The following CACHD1 variants were observed in gnomAD, a reference collection of about 807,000 sequenced individuals.
CACHD1 encodes the protein VWFA and cache domain-containing protein 1.
A neutral mutation model predicts 138.7 loss-of-function variants in CACHD1; 71 were observed. The observed-to-expected ratio is 0.51, with a 90% CI of 0.42 to 0.62. CACHD1 has a LOEUF of 0.62. Among genes scored for constraint, CACHD1 ranks in the 20% least tolerant of loss-of-function variants. The pLI is 0.00. For missense variants in CACHD1, 1,389 were observed against 1,625.3 expected (o/e 0.85, Z 2.50); for synonymous variants, 578 against 591.5 (o/e 0.98, Z 0.33).
intron 12 of CACHD1, among the ~76,000 whole-genome samples, chr1:64,657,720 T>A (rs1248193982): frequency 2.0e-5 from 3 of 152,212 alleles, no homozygotes; most frequent in Non-Finnish European, 2.9e-5. Flanking sequence ...CCTGCCTAGT[T>A]AAAATTTTAT....
chr1:64,628,824 C>T (rs1441505162), intron 4 of CACHD1, among the ~76,000 whole-genome samples: 1 of 152,190 alleles, frequency 6.6e-6, no homozygotes, highest in Non-Finnish European at 1.5e-5. Context: ...CCAGCACTGG[C>T]ACAGAGGAAT....
At chr1:64,478,996 A>G (rs1807791) in intron 1 of CACHD1, among the ~76,000 whole-genome samples, 12,442 of 152,142 alleles carry the variant, frequency 0.082, 587 homozygotes, top group East Asian at 0.16. Flanking sequence ...AAAAAGAAAA[A>G]CACACTATGT....
chr1:64,494,599 T>C (rs1045898552), intron 1 of CACHD1, among the ~76,000 whole-genome samples: 1 of 152,228 alleles, frequency 6.6e-6, no homozygotes, highest in African/African-American at 2.4e-5. Flanking sequence ...TAGCTGCTTT[T>C]ATTTGCTACC....
At chr1:64,688,111 G>C (rs1332527194) in intron 26 of CACHD1, among the ~76,000 whole-genome samples, 20 of 151,760 alleles carry the variant, frequency 1.3e-4, no homozygotes, top group Admixed American at 1.3e-3. Context: ...GTGGGAGGGT[G>C]AGCCAAGCAG....
chr1:64,677,206 T>A (rs1473477730), intron 22 of CACHD1, among the ~76,000 whole-genome samples, 195 bp downstream of exon 22: 3 of 152,132 alleles, frequency 2.0e-5, no homozygotes, highest in African/African-American at 7.2e-5. Context: ...AGTAGCCTCA[T>A]CTGTGAATGG....
intron 1 of CACHD1, among the ~76,000 whole-genome samples, chr1:64,471,561 A>T: frequency 6.6e-6 from 1 of 152,138 alleles, no homozygotes; most frequent in East Asian, 1.9e-4. Context: ...TCCCGGGAGC[A>T]TGGGGGGAGG....
At chr1:64,481,635 A>G (rs968847408) in intron 1 of CACHD1, among the ~76,000 whole-genome samples, 4 of 152,218 alleles carry the variant, frequency 2.6e-5, no homozygotes, top group Admixed American at 2.6e-4. Context: ...GGCAGGAAGG[A>G]GGAATTATTA....
At chr1:64,676,812 T>A in intron 21 of CACHD1, 83 bp from the exon 22 acceptor site, 1 of 1,068,638 alleles carries the variant, frequency 9.4e-7, no homozygotes, top group Non-Finnish European at 1.4e-6. Flanking sequence ...CCCAAATCTG[T>A]CTGACTGCTG....
At chr1:64,545,986 A>G (rs1018825718) in intron 1 of CACHD1, among the ~76,000 whole-genome samples, 1 of 152,210 alleles carries the variant, frequency 6.6e-6, no homozygotes, top group Non-Finnish European at 1.5e-5. Flanking sequence ...TCTGTTCACT[A>G]TATAATAAAA....
intron 2 of CACHD1, among the ~76,000 whole-genome samples, chr1:64,575,436 A>C (rs1646959369): frequency 6.6e-6 from 1 of 152,238 alleles, no homozygotes; most frequent in South Asian, 2.1e-4. Context: ...AGAGATGTTA[A>C]ATATTTGTGC....
At position 64,675,877 on chromosome 1, in the gene CACHD1, ACTTT is replaced by A. The variant is rs1339718682; in HGVS notation, c.2889-15_2889-12del. 6.7e-7 allele frequency: 1 copy of A among 1,497,288 alleles called. No individual in the cohort carries two copies. The highest frequency in any genetic ancestry group is 9.0e-7 in the Non-Finnish European group (1 of 1,111,868). 92.8% of individuals were successfully genotyped at this position (1,497,288 alleles called of 1,614,324 possible). On this transcript the variant is annotated splice_polypyrimidine_tract_variant and intron_variant, in intron 20 of 26. Coordinates refer to ENST00000651257, the MANE Select transcript of CACHD1 (RefSeq NM_020925.4). ...TTTGCCATTGACCTTCTGCATAGTA[ACTTT>A]CTTTTTGCTTTTCAGAATGGAACAA...
At chr1:64,662,921 G>A (rs1182415673) in intron 13 of CACHD1, among the ~76,000 whole-genome samples, 1 of 152,052 alleles carries the variant, frequency 6.6e-6, no homozygotes, top group Non-Finnish European at 1.5e-5. Context: ...TTCTTAAATA[G>A]TACTACTAAT....
intron 6 of CACHD1, among the ~76,000 whole-genome samples, chr1:64,633,320 A>G (rs755963843): frequency 1.7e-4 from 26 of 152,202 alleles, no homozygotes; most frequent in Non-Finnish European, 2.9e-4. Flanking sequence ...TTATTCTAAT[A>G]TTTGAGGAAG....
At chr1:64,539,987 A>G (rs574038461) in intron 1 of CACHD1, among the ~76,000 whole-genome samples, 1 of 152,190 alleles carries the variant, frequency 6.6e-6, no homozygotes, top group African/African-American at 2.4e-5. Flanking sequence ...TTTCCAACTA[A>G]AGGGTGAGTT....
At chr1:64,493,258 TA>T (rs1646288733) in intron 1 of CACHD1, among the ~76,000 whole-genome samples, 1 of 152,222 alleles carries the variant, frequency 6.6e-6, no homozygotes, top group East Asian at 1.9e-4. Flanking sequence ...TTACTATGGG[TA>T]AACTTGCTTT....
chr1:64,475,640 G>A (rs12074212), intron 1 of CACHD1, among the ~76,000 whole-genome samples: 13,265 of 152,038 alleles, frequency 0.087, 1,413 homozygotes, highest in African/African-American at 0.25. Flanking sequence ...TCTGCCTACC[G>A]GGTTCACGCC....
Position 64,477,583 on chromosome 1 carries a change from A to AGAT in CACHD1, c.198+6642_198+6644dup, listed in dbSNP as rs778989139. Among the ~76,000 whole-genome samples the AGAT allele has an allele frequency of 3.1e-3, 391 of 126,918 alleles. 1 individual carries two copies. Among genetic ancestry groups the AGAT allele is most frequent in the African/African-American group, 8.2e-3 (287 of 34,942 alleles). The allele number at this position is 126,918 out of a possible 152,430, so 83.3% of individuals were successfully genotyped here. A position where few individuals can be genotyped will look rare whatever the true frequency, so the allele number is the denominator to read the frequency against. On this transcript the variant is annotated intron_variant, in intron 1 of 26. Transcript: ENST00000651257. ...TCTGCCTCCACTTGCTCTTCCCCCC[A>AGAT]GATTATTATTATTATTATTATTATT...
chr1:64,499,177 G>A lies in CACHD1; in HGVS notation c.198+28235G>A, dbSNP rs181742561. Among the ~76,000 whole-genome samples the A allele has an allele frequency of 1.1e-3, 161 of 152,212 alleles. 1 individual carries two copies. The highest frequency in any genetic ancestry group is 3.8e-3 in the African/African-American group (159 of 41,520). Reference sequence around the variant, plus strand: ...ACCAGCAGCATTTTGTACAACTGTTGGTTGTTTTTCCCAGACTGGATGATG... The same window carrying A: ...ACCAGCAGCATTTTGTACAACTGTTAGTTGTTTTTCCCAGACTGGATGATG... On this transcript the variant is annotated intron_variant, in intron 1 of 26. Transcript: ENST00000651257.
chr1:64,478,327 G>A (rs1646188762), intron 1 of CACHD1, among the ~76,000 whole-genome samples: 1 of 152,102 alleles, frequency 6.6e-6, no homozygotes, highest in Admixed American at 6.5e-5. Flanking sequence ...GAGGGTCCTT[G>A]TTTTTCTTAA....
Sources: gnomAD v4.1 joint callset for allele counts (sites outside exome capture counted in the v4.1 genomes callset) on GRCh38, gnomAD v4.1.1 for gene constraint, MANE v1.5 for transcripts, NCBI Gene and HGNC (gene_info 2026-07-23, HGNC 2026-07-21) for gene names.